Variants in XYLT1 observed in about 807,000 individuals in gnomAD.
XYLT1 encodes the protein beta-D-xylosyltransferase 1.
Under a neutral mutation model 91.3 loss-of-function variants are expected in XYLT1, and 36 were observed. The observed-to-expected ratio is 0.39, with a 90% CI of 0.30 to 0.52. The LOEUF is 0.52. Ranked by LOEUF, XYLT1 falls within the 20% of genes least tolerant of loss-of-function variation. XYLT1 has a pLI of 0.68. For synonymous variants in XYLT1, 588 were observed against 532.0 expected (o/e 1.11, Z -1.45); for missense variants, 1,242 against 1,284.5 (o/e 0.97, Z 0.51).
chr16:17,323,825 G>A (rs2034761297), intron 2 of XYLT1, among the ~76,000 whole-genome samples: 1 of 152,168 alleles, frequency 6.6e-6, no homozygotes. Context: ...ATCAGACTCT[G>A]CTCTCGATTC....
intron 1 of XYLT1, among the ~76,000 whole-genome samples, chr16:17,447,069 T>C (rs1014519517): frequency 1.3e-5 from 2 of 151,576 alleles, no homozygotes; most frequent in African/African-American, 4.9e-5. Flanking sequence ...ACAACTCAGT[T>C]AGCAGCAATC....
intron 3 of XYLT1, among the ~76,000 whole-genome samples, chr16:17,208,192 T>A (rs1336559419): frequency 7.0e-6 from 1 of 142,944 alleles, no homozygotes; most frequent in East Asian, 2.2e-4. Context: ...TGCTATGCTG[T>A]CCAGGCTGGT....
rs869058864 is a variant in XYLT1 at position 17,351,014 on chromosome 16, G to GA, written c.402+6997dup. 8.6e-5 allele frequency among the ~76,000 whole-genome samples: 13 copies of GA among 151,784 alleles called. No individual in the cohort carries two copies. In the East Asian group the frequency reaches 2.5e-3, roughly 29 times the overall value. On this transcript the variant is annotated intron_variant, in intron 2 of 11. Coordinates refer to ENST00000261381, the MANE Select transcript of XYLT1 (RefSeq NM_022166.4). Reference sequence around the variant, plus strand: ...AACCCCAGCCAAGTAGCTGGATTAAGAAAAAAAAATTTTTTTTTTAACTCT... The same window carrying GA: ...AACCCCAGCCAAGTAGCTGGATTAAGAAAAAAAAAATTTTTTTTTTAACTCT...
intron 2 of XYLT1, among the ~76,000 whole-genome samples, chr16:17,272,769 A>T (rs1016348751): frequency 2.0e-5 from 3 of 152,164 alleles, no homozygotes; most frequent in South Asian, 2.1e-4. Flanking sequence ...GCCCTCTGGC[A>T]TGTCTGCACG....
chr16:17,138,680 C>CTGT, intron 7 of XYLT1, 149 bp from the exon 8 acceptor site: 1 of 838,950 alleles, frequency 1.2e-6, no homozygotes, highest in South Asian at 2.0e-5. Context: ...GGGCGGCTTC[C>CTGT]TGTACAGCTT....
At chr16:17,396,611 C>T (rs1204015313) in intron 1 of XYLT1, among the ~76,000 whole-genome samples, 1 of 152,146 alleles carries the variant, frequency 6.6e-6, no homozygotes, top group Non-Finnish European at 1.5e-5. Context: ...TGGCTCACGC[C>T]TATAATCCCA....
intron 2 of XYLT1, among the ~76,000 whole-genome samples, chr16:17,323,079 GCT>G (rs1209543402): frequency 6.6e-6 from 1 of 152,222 alleles, no homozygotes; most frequent in Non-Finnish European, 1.5e-5. Context: ...GGGCTGCAGA[GCT>G]CTCCAGGCAA....
Position 17,365,674 on chromosome 16 carries a change from C to T in XYLT1, c.364-7624G>A, listed in dbSNP as rs538729310. On this transcript the variant is annotated intron_variant, in intron 1 of 11. Coordinates refer to ENST00000261381, the MANE Select transcript of XYLT1 (RefSeq NM_022166.4). ...TTTCTGCTATCCTACTTTCATTCTA[C>T]ATTTTTTTAGCCCAGGACCCAGAAA... Among the ~76,000 whole-genome samples the T allele has an allele frequency of 5.1e-4, 77 of 152,310 alleles. 2 individuals are homozygous for T. The South Asian group carries it at 0.013, about 26-fold the overall frequency.
chr16:17,201,178 C>T (rs1415718069), intron 3 of XYLT1, among the ~76,000 whole-genome samples: 1 of 152,148 alleles, frequency 6.6e-6, no homozygotes, highest in South Asian at 2.1e-4. Flanking sequence ...CCTATTAATA[C>T]AATGTTGTAC....
At chr16:17,187,932 C>G (rs1279998474) in intron 5 of XYLT1, among the ~76,000 whole-genome samples, 1 of 152,068 alleles carries the variant, frequency 6.6e-6, no homozygotes, top group African/African-American at 2.4e-5. Context: ...CTCCTAAGAT[C>G]CTTGCATCTC....
At chr16:17,304,859 C>A (rs2034448681) in intron 2 of XYLT1, among the ~76,000 whole-genome samples, 1 of 152,124 alleles carries the variant, frequency 6.6e-6, no homozygotes, top group Non-Finnish European at 1.5e-5. Flanking sequence ...ACAGATGAGG[C>A]CTTGGGTTTG....
chr16:17,256,357 G>C (rs569144438), intron 3 of XYLT1, among the ~76,000 whole-genome samples: 3 of 151,892 alleles, frequency 2.0e-5, no homozygotes, highest in Non-Finnish European at 4.4e-5. Flanking sequence ...CCAGGGAATC[G>C]AATGAAGAGT....
intron 3 of XYLT1, among the ~76,000 whole-genome samples, chr16:17,238,369 G>A (rs925901973): frequency 2.0e-5 from 3 of 152,126 alleles, no homozygotes; most frequent in Non-Finnish European, 2.9e-5. Flanking sequence ...TGAAAGTGAT[G>A]GCCAAAAGTG....
intron 1 of XYLT1, among the ~76,000 whole-genome samples, chr16:17,455,822 A>G (rs947511395): frequency 6.6e-5 from 10 of 152,364 alleles, no homozygotes; most frequent in South Asian, 2.1e-4. Context: ...TAACATAAAC[A>G]GCATCTGGCA....
chr16:17,462,754 C>T (rs1051264974), intron 1 of XYLT1, among the ~76,000 whole-genome samples: 7 of 152,172 alleles, frequency 4.6e-5, no homozygotes, highest in African/African-American at 1.7e-4. Context: ...CCCTCCTCCG[C>T]TTCTCCCTTG....
At chr16:17,448,780 A>C (rs900977778) in intron 1 of XYLT1, among the ~76,000 whole-genome samples, 1 of 150,686 alleles carries the variant, frequency 6.6e-6, no homozygotes, top group Non-Finnish European at 1.5e-5. Context: ...AGGAGGAGGA[A>C]GCAGCAGCAG....
At chr16:17,241,550 T>C (rs1444610369) in intron 3 of XYLT1, among the ~76,000 whole-genome samples, 1 of 152,158 alleles carries the variant, frequency 6.6e-6, no homozygotes, top group African/African-American at 2.4e-5. Flanking sequence ...TGGTTTTTAA[T>C]GGCCATAAAA....
chr16:17,385,240 C>T (rs1419969086), intron 1 of XYLT1, among the ~76,000 whole-genome samples: 1 of 149,052 alleles, frequency 6.7e-6, no homozygotes, highest in African/African-American at 2.5e-5. Flanking sequence ...CGCTGCCTGC[C>T]CCATCCCCAT....
Position 17,102,036 on chromosome 16 carries a change from C to CA in XYLT1, c.*6658dup, listed in dbSNP as rs1281306410. The CA allele has an allele frequency of 1.1e-4, 16 of 152,310 alleles. No homozygotes were observed. Among genetic ancestry groups the CA allele is most frequent in the African/African-American group, 3.8e-4 (16 of 41,570 alleles). 9.4% of individuals were successfully genotyped at this position (152,310 alleles called of 1,614,324 possible). ...GTTTAAAAATCATATACTTCTGCCTCAACCAGGAGGTACTTATAGGAGGTT... is the reference window on the plus strand; with the variant it reads ...GTTTAAAAATCATATACTTCTGCCTCAAACCAGGAGGTACTTATAGGAGGTT... On this transcript the variant is annotated 3_prime_UTR_variant, in exon 12 of 12. Transcript: ENST00000261381.
Sources: allele counts gnomAD v4.1 joint callset (sites outside exome capture counted in the v4.1 genomes callset), GRCh38; gene constraint gnomAD v4.1.1; transcripts MANE v1.5; gene names NCBI Gene and HGNC (gene_info 2026-07-23, HGNC 2026-07-21).